The following UBR4 variants were observed in gnomAD, a reference collection of about 807,000 sequenced individuals.
The protein encoded by UBR4 is ubiquitin protein ligase E3 component n-recognin 4, also known as E3 ubiquitin-protein ligase UBR4.
In UBR4, 124 loss-of-function variants were observed where a neutral mutation model predicts 575.6. The ratio of observed to expected loss-of-function variants is 0.22; its 90% CI spans 0.19 to 0.25. The LOEUF is 0.25. UBR4 is among the 10% of genes least tolerant of loss of function. The probability of loss-of-function intolerance (pLI) is 1.00; values close to 1 mark genes in which losing one functional copy is unlikely to be tolerated. For missense variants in UBR4, 4,818 were observed against 6,478.8 expected, an observed-to-expected ratio of 0.74 and a Z score of 8.80; for synonymous variants, 2,455 against 2,473.7, an observed-to-expected ratio of 0.99 and a Z score of 0.22.
Position 19,113,782 on chromosome 1 carries a change from C to T in UBR4, c.11374G>A (p.Val3792Met), listed in dbSNP as rs760226504. The T allele has an allele frequency of 2.5e-6, 4 of 1,614,130 alleles. No homozygotes were observed. In the Admixed American group the frequency reaches 5.0e-5, roughly 20 times the overall value. Residue 3792 changes from valine to methionine, a missense_variant, in exon 77 of 106, where the codon GTG becomes ATG. This residue lies in a region of UBR4 where 333 missense variants were observed against 459.2 expected (regional missense o/e 0.73). Coordinates refer to ENST00000375254, the MANE Select transcript of UBR4 (RefSeq NM_020765.3). ...AGGISSTSAS[V>M]NRYILQLAQE... is the part of the protein sequence containing the mutation. Reference sequence around the variant, plus strand: ...GCCAACTGCAGGATGTAACGATTCACACTGGCAGAAGTGGAGCTGATGCCC... The same window carrying T: ...GCCAACTGCAGGATGTAACGATTCATACTGGCAGAAGTGGAGCTGATGCCC...
At chr1:19,095,863 T>C in intron 92 of UBR4, 1 of 503,008 alleles carries the variant, frequency 2.0e-6, no homozygotes, top group Non-Finnish European at 3.6e-6. Flanking sequence ...GCGGGATATA[T>C]CTCTACCATC....
chr1:19,082,114 GTCT>G (rs1215128413), intron 102 of UBR4: 7 of 313,054 alleles, frequency 2.2e-5, no homozygotes, highest in South Asian at 2.1e-4. Context: ...CTTCCGGTTT[GTCT>G]TCTTCTGATC....
chr1:19,181,239 AAAG>A (rs2090921929), intron 17 of UBR4, among the ~76,000 whole-genome samples: 1 of 152,066 alleles, frequency 6.6e-6, no homozygotes, highest in African/African-American at 2.4e-5. Flanking sequence ...GGAAGGAAGG[AAAG>A]AAGGACGGAC....
At chr1:19,076,946 C>T in intron 104 of UBR4, 44 bp from the exon 105 acceptor site, 1 of 1,518,280 alleles carries the variant, frequency 6.6e-7, no homozygotes, top group Non-Finnish European at 8.8e-7. Context: ...TGACTTACTG[C>T]TGCCTCATCT....
At chr1:19,074,990 T>C in intron 105 of UBR4, 94 bp from the exon 106 acceptor site, 1 of 1,361,460 alleles carries the variant, frequency 7.3e-7, no homozygotes, top group South Asian at 1.2e-5. Context: ...GAGAACACAC[T>C]GCGGTCCGAC....
chr1:19,149,560 G>A (rs2085356151), intron 49 of UBR4, among the ~76,000 whole-genome samples: 1 of 152,090 alleles, frequency 6.6e-6, no homozygotes, highest in Non-Finnish European at 1.5e-5. Context: ...TGTCCGACAT[G>A]GCCAACACCA....
chr1:19,171,457 A>G (rs890558082), intron 25 of UBR4, among the ~76,000 whole-genome samples: 1 of 152,208 alleles, frequency 6.6e-6, no homozygotes, highest in Non-Finnish European at 1.5e-5. Flanking sequence ...ATTTGCCTCA[A>G]ACAACAGCCC....
At chr1:19,140,654 T>G in intron 58 of UBR4, 134 bp downstream of exon 58, 1 of 925,216 alleles carries the variant, frequency 1.1e-6, no homozygotes, top group Non-Finnish European at 1.6e-6. Context: ...ACACCCATCT[T>G]TCTAAAGCCA....
chr1:19,116,432 G>C (rs2080536940), intron 73 of UBR4, among the ~76,000 whole-genome samples: 1 of 152,032 alleles, frequency 6.6e-6, no homozygotes, highest in Admixed American at 6.6e-5. Context: ...GTTAAACTAG[G>C]CTTTTCAAGG....
In UBR4 at chr1:19,094,161, A is replaced by C; in HGVS notation, c.13747-22T>G. On this transcript the variant is annotated intron_variant, in intron 94 of 105. Transcript: ENST00000375254. Reference sequence around the variant, plus strand: ...TGCCCTGCAACAGAAAAGAGGGTGAACATGCCATTAATGCAGTCAGGACTG... The same window carrying C: ...TGCCCTGCAACAGAAAAGAGGGTGACCATGCCATTAATGCAGTCAGGACTG... The C allele has an allele frequency of 2.5e-6, 4 of 1,597,646 alleles. No individual in the cohort carries two copies. In the Admixed American group the frequency reaches 6.8e-5, roughly 27 times the overall value.
chr1:19,156,292 A>C lies in UBR4; in HGVS notation c.6051T>G (p.Ile2017Met). Residue 2017 changes from isoleucine to methionine, a missense_variant, in exon 42 of 106, where the codon ATT becomes ATG. Physicochemically the swap from Ile to Met is conservative, Grantham distance 10. This residue lies in a region of UBR4 where 461 missense variants were observed against 606.9 expected (regional missense o/e 0.76). Transcript: ENST00000375254. ...WLPGSQTELAIVTADFVKIYD... is the reference protein window; with the variant it reads ...WLPGSQTELAMVTADFVKIYD... ...GTACCTTAACAAAGTCTGCGGTGAC[A>C]ATTGCTAACTCGGTCTGTGAACCAG... 10 of 1,614,204 alleles carry C rather than the reference A, an allele frequency of 6.2e-6. No homozygotes were observed. Among genetic ancestry groups the C allele is most frequent in the Non-Finnish European group, 8.5e-6 (10 of 1,180,024 alleles).
Position 19,114,082 on chromosome 1 carries a change from AAGACAGGGACTG to A in UBR4, c.11203-24_11203-13del, listed in dbSNP as rs753898821. Reference sequence around the variant, plus strand: ...ATGTTGGATACAGCCTAGACAGGAAAAGACAGGGACTGAGTGAAGGCTTTTTGGCTGATGACT... The same window carrying A: ...ATGTTGGATACAGCCTAGACAGGAAAAGTGAAGGCTTTTTGGCTGATGACT... On this transcript the variant is annotated splice_polypyrimidine_tract_variant and intron_variant, in intron 75 of 105. Transcript: ENST00000375254. 11 of 1,608,246 alleles carry A rather than the reference AAGACAGGGACTG, an allele frequency of 6.8e-6. No individual in the cohort carries two copies. The South Asian group carries it at 1.2e-4, about 18-fold the overall frequency.
intron 55 of UBR4, among the ~76,000 whole-genome samples, chr1:19,142,343 G>C (rs976426034): frequency 2.0e-5 from 3 of 152,194 alleles, no homozygotes; most frequent in African/African-American, 7.2e-5. Context: ...AGGTGAGAAG[G>C]CCTTCTAATA....
Position 19,198,793 on chromosome 1 carries a change from A to C in UBR4, c.508+6T>G. On this transcript the variant is annotated splice_donor_region_variant and intron_variant, in intron 4 of 105. Coordinates refer to ENST00000375254, the MANE Select transcript of UBR4 (RefSeq NM_020765.3). ...ATGTGATCAGATCTGTCAAAGGAAC[A>C]CCCACCGTCTGAAAGTGTCTTCACT... The C allele has an allele frequency of 6.2e-7, 1 of 1,614,144 alleles. No individual in the cohort carries two copies. Among genetic ancestry groups the C allele is most frequent in the South Asian group, 1.1e-5 (1 of 91,070 alleles).
rs1249539108 is a variant in UBR4 at position 19,151,720 on chromosome 1, A to T, written c.7136T>A (p.Leu2379Gln). The part of the protein sequence containing the change: ...EIFGRTMQLN[L>Q]SRSRWFDFPF... ...GAAGTCAAACCAGCGTGAGCGACTC[A>T]GGTTGAGCTGCATAGTTCTGCCGAA... The change falls in exon 48 of 106, where the codon CTG becomes CAG. Residue 2379 changes from leucine to glutamine, a missense_variant. By Grantham distance (113) the Leu-to-Gln change is moderately radical. Around this residue, in one of 29 missense-constraint regions of UBR4, gnomAD observed 461 missense variants for 606.9 expected, o/e 0.76. Transcript: ENST00000375254. 1.9e-6 allele frequency: 3 copies of T among 1,614,070 alleles called. No individual in the cohort carries two copies. The highest frequency in any genetic ancestry group is 8.5e-7 in the Non-Finnish European group (1 of 1,180,018).
chr1:19,103,737 G>C (rs1429222380), intron 87 of UBR4, among the ~76,000 whole-genome samples: 1 of 152,212 alleles, frequency 6.6e-6, no homozygotes, highest in African/African-American at 2.4e-5. Flanking sequence ...ATGGATGACA[G>C]AGTGAAAATG....
chr1:19,087,017 G>A (rs2077078769), intron 99 of UBR4, among the ~76,000 whole-genome samples, 196 bp from the exon 100 acceptor site: 3 of 152,268 alleles, frequency 2.0e-5, no homozygotes, highest in African/African-American at 7.2e-5. Flanking sequence ...CGCAGCCCTA[G>A]TGAAACAAGG....
In UBR4 at chr1:19,081,145, G is replaced by C. The variant is rs542299734; in HGVS notation, c.15233+204C>G. 5 of 538,118 alleles carry C rather than the reference G, an allele frequency of 9.3e-6. No homozygotes were observed. The East Asian group carries it at 1.2e-4, about 13-fold the overall frequency. The allele number at this position is 538,118 out of a possible 1,614,324, so 33.3% of individuals were successfully genotyped here. ...GACTGGCTCTACCTTTCTAGTAGCG[G>C]AACAGAAAACCCAGAAATGACCAGG... On this transcript the variant is annotated intron_variant, in intron 103 of 105. Coordinates refer to ENST00000375254, the MANE Select transcript of UBR4 (RefSeq NM_020765.3).
rs796954393 is a variant in UBR4, at chr1:19,136,742, A to G, written c.8906+1265T>C. ...AATGTTTAAAGTAAATTTTTTAAAA[A>G]ATCATAGAGACCAAATTAACTGAAC... On this transcript the variant is annotated intron_variant, in intron 60 of 105. Coordinates refer to ENST00000375254, the MANE Select transcript of UBR4 (RefSeq NM_020765.3). Among the ~76,000 whole-genome samples the G allele has an allele frequency of 2.2e-4, 34 of 152,378 alleles. 1 individual carries two copies. Among genetic ancestry groups the G allele is most frequent in the African/African-American group, 8.2e-4 (34 of 41,592 alleles).
Sources: allele counts gnomAD v4.1 joint callset (sites outside exome capture counted in the v4.1 genomes callset), GRCh38; gene constraint gnomAD v4.1.1; regional missense constraint gnomAD v4.1.1; transcripts MANE v1.5; gene names NCBI Gene and HGNC (gene_info 2026-07-23, HGNC 2026-07-21).